Variants in ZSWIM6 observed in about 807,000 individuals in gnomAD.
The protein encoded by ZSWIM6 is zinc finger SWIM domain-containing protein 6.
ZSWIM6 carries 9 observed loss-of-function variants against 113.2 expected under a neutral mutation model. The observed-to-expected ratio is 0.08, with a 90% CI of 0.05 to 0.14. The LOEUF (loss-of-function observed/expected upper bound fraction) is 0.14, where lower values mean the gene tolerates loss of function less well. Ranked by LOEUF, ZSWIM6 falls within the 10% of genes least tolerant of loss-of-function variation. ZSWIM6 has a pLI of 1.00. For missense variants in ZSWIM6, 1,162 were observed against 1,552.2 expected (o/e 0.75, Z 4.22); for synonymous variants, 611 against 606.5 (o/e 1.01, Z -0.11).
At chr5:61,333,904 G>A (rs1167599820) in intron 1 of ZSWIM6, among the ~76,000 whole-genome samples, 1 of 152,112 alleles carries the variant, frequency 6.6e-6, no homozygotes, top group East Asian at 1.9e-4. Flanking sequence ...GCAGCCAAAG[G>A]GGCGAGCGGG....
At chr5:61,514,266 T>A (rs926552824) in intron 4 of ZSWIM6, among the ~76,000 whole-genome samples, 4 of 151,750 alleles carry the variant, frequency 2.6e-5, no homozygotes, top group Non-Finnish European at 4.4e-5. Flanking sequence ...TTTGTTTGAT[T>A]TAAGTGTTTT....
At chr5:61,477,485 G>A (rs552682618) in intron 2 of ZSWIM6, among the ~76,000 whole-genome samples, 146 of 152,298 alleles carry the variant, frequency 9.6e-4, no homozygotes, top group Non-Finnish European at 1.9e-3. Flanking sequence ...GCTCCGTACT[G>A]CAAAGGCGTA....
chr5:61,510,926 A>G (rs1423888264), intron 4 of ZSWIM6, among the ~76,000 whole-genome samples: 2 of 152,116 alleles, frequency 1.3e-5, no homozygotes, highest in Non-Finnish European at 1.5e-5. Context: ...TTTCAGAGGG[A>G]CAGCAGAATG....
chr5:61,374,245 T>A (rs1277436955), intron 1 of ZSWIM6, among the ~76,000 whole-genome samples: 1 of 152,246 alleles, frequency 6.6e-6, no homozygotes, highest in Non-Finnish European at 1.5e-5. Flanking sequence ...TTAAATTCTT[T>A]ATGCCTGTGT....
intron 1 of ZSWIM6, among the ~76,000 whole-genome samples, chr5:61,431,814 G>T (rs187216764): frequency 8.3e-4 from 127 of 152,284 alleles, no homozygotes; most frequent in African/African-American, 2.9e-3. Flanking sequence ...CTTCATTAAA[G>T]AATGAGGCTT....
intron 1 of ZSWIM6, among the ~76,000 whole-genome samples, chr5:61,338,386 T>C (rs540254808): frequency 1.5e-4 from 23 of 152,332 alleles, no homozygotes; most frequent in African/African-American, 5.5e-4. Flanking sequence ...TAATATAGAA[T>C]AATTTTATGT....
chr5:61,492,473 G>A (rs1478636847), intron 3 of ZSWIM6, among the ~76,000 whole-genome samples: 1 of 152,040 alleles, frequency 6.6e-6, no homozygotes, highest in Non-Finnish European at 1.5e-5. Flanking sequence ...CATTGGGTGA[G>A]TTATTTTACT....
chr5:61,374,988 A>T, intron 1 of ZSWIM6: 1 of 966,012 alleles, frequency 1.0e-6, no homozygotes, highest in South Asian at 1.4e-5. Context: ...ATGAGCATAC[A>T]ATAATAGGAA....
intron 1 of ZSWIM6, among the ~76,000 whole-genome samples, chr5:61,406,147 T>C (rs549866916): frequency 6.6e-6 from 1 of 152,228 alleles, no homozygotes; most frequent in Non-Finnish European, 1.5e-5. Context: ...ACTTTATGTC[T>C]GCAGGTCTGT....
intron 12 of ZSWIM6, among the ~76,000 whole-genome samples, chr5:61,540,207 C>T (rs1749690493): frequency 6.6e-6 from 1 of 152,078 alleles, no homozygotes; most frequent in Non-Finnish European, 1.5e-5. Flanking sequence ...TTTAATAACT[C>T]TGAGAAAAAT....
At chr5:61,475,536 TA>T (rs1370414031) in intron 2 of ZSWIM6, among the ~76,000 whole-genome samples, 1 of 152,190 alleles carries the variant, frequency 6.6e-6, no homozygotes, top group Non-Finnish European at 1.5e-5. Context: ...AACTTGTGTA[TA>T]GGAACAGCTT....
rs1190842387 is a variant in ZSWIM6 at position 61,332,658 on chromosome 5, CCGG to C, written c.395_397del (p.Gly132del). On this transcript the variant is annotated inframe_deletion, in exon 1 of 14. Coordinates refer to ENST00000252744, the MANE Select transcript of ZSWIM6 (RefSeq NM_020928.2). ...ATCTGCATGTACTCGTCCTTCAACA[CCGG>C]CGGCGGCGCCGCGGGCGGCCCCGGC... 2.7e-6 allele frequency: 3 copies of C among 1,123,090 alleles called. No homozygotes were observed. The highest frequency in any genetic ancestry group is 3.5e-5 in the African/African-American group (2 of 56,936). 69.6% of individuals were successfully genotyped at this position (1,123,090 alleles called of 1,614,324 possible).
chr5:61,439,947 C>T (rs1746790653), intron 1 of ZSWIM6, among the ~76,000 whole-genome samples: 1 of 152,010 alleles, frequency 6.6e-6, no homozygotes, highest in African/African-American at 2.4e-5. Context: ...TTCAAGTGCC[C>T]TTTCTACCTA....
At chr5:61,473,419 C>T (rs1747624761) in intron 2 of ZSWIM6, among the ~76,000 whole-genome samples, 1 of 152,112 alleles carries the variant, frequency 6.6e-6, no homozygotes, top group Admixed American at 6.6e-5. Flanking sequence ...TGCAGGAAAG[C>T]CTCTGACCGG....
At chr5:61,483,143 G>C (rs937395596) in intron 2 of ZSWIM6, among the ~76,000 whole-genome samples, 12 of 152,176 alleles carry the variant, frequency 7.9e-5, no homozygotes, top group African/African-American at 2.9e-4. Flanking sequence ...CATCTTGTGG[G>C]AGCCTTCTTG....
intron 1 of ZSWIM6, among the ~76,000 whole-genome samples, chr5:61,463,448 G>C (rs1337011309): frequency 6.6e-6 from 1 of 152,148 alleles, no homozygotes; most frequent in Non-Finnish European, 1.5e-5. Flanking sequence ...CTCAAACTTT[G>C]GTCCCTGGAC....
At chr5:61,348,924 G>T (rs116290334) in intron 1 of ZSWIM6, among the ~76,000 whole-genome samples, 172 of 152,062 alleles carry the variant, frequency 1.1e-3, no homozygotes, top group African/African-American at 3.8e-3. Context: ...CCTGATTCAC[G>T]GTCTTTTCCA....
chr5:61,339,966 A>C, intron 1 of ZSWIM6, among the ~76,000 whole-genome samples: 1 of 152,198 alleles, frequency 6.6e-6, no homozygotes, highest in East Asian at 1.9e-4. Context: ...AGTGTTACTG[A>C]GTCTTGTCTT....
At chr5:61,408,869 A>G (rs1336380206) in intron 1 of ZSWIM6, among the ~76,000 whole-genome samples, 1 of 151,954 alleles carries the variant, frequency 6.6e-6, no homozygotes, top group African/African-American at 2.4e-5. Flanking sequence ...GTTCAGCCGC[A>G]GGCCAGAGTC....
Sources: allele counts gnomAD v4.1 joint callset (sites outside exome capture counted in the v4.1 genomes callset), GRCh38; gene constraint gnomAD v4.1.1; transcripts MANE v1.5; gene names NCBI Gene and HGNC (gene_info 2026-07-23, HGNC 2026-07-21).